SNTG1: variants seen among roughly 807,000 people sequenced by gnomAD.
The protein encoded by SNTG1 is gamma-1-syntrophin.
A neutral mutation model predicts 74.7 loss-of-function variants in SNTG1; 39 were observed. The observed-to-expected ratio is 0.52, with a 90% CI of 0.40 to 0.68. The LOEUF is 0.68. Ranked by LOEUF, SNTG1 falls within the 30% of genes least tolerant of loss-of-function variation. SNTG1 has a pLI of 0.00. For synonymous variants in SNTG1, 254 were observed against 217.1 expected (o/e 1.17, Z -1.49); for missense variants, 685 against 609.5 (o/e 1.12, Z -1.30).
intron 2 of SNTG1, among the ~76,000 whole-genome samples, chr8:50,309,977 T>C (rs1382164242): frequency 6.6e-6 from 1 of 152,234 alleles, no homozygotes; most frequent in Non-Finnish European, 1.5e-5. Flanking sequence ...AAAAATTCAG[T>C]GTCTATGTGC....
chr8:50,276,947 A>G (rs1217196830), intron 2 of SNTG1, among the ~76,000 whole-genome samples: 1 of 151,920 alleles, frequency 6.6e-6, no homozygotes, highest in Non-Finnish European at 1.5e-5. Flanking sequence ...CTCCTGCCTC[A>G]GCCTCCCAAG....
intron 8 of SNTG1, among the ~76,000 whole-genome samples, chr8:50,481,615 C>A (rs900126098): frequency 6.6e-6 from 1 of 152,094 alleles, no homozygotes; most frequent in Non-Finnish European, 1.5e-5. Flanking sequence ...ACTGAGATTG[C>A]ATTTTAAGGA....
chr8:50,586,314 A>G (rs1421177501), intron 12 of SNTG1, among the ~76,000 whole-genome samples: 1 of 152,214 alleles, frequency 6.6e-6, no homozygotes, highest in Non-Finnish European at 1.5e-5. Context: ...TGTTTTACAA[A>G]TGAAGGGATC....
chr8:50,433,783 A>T (rs1196786129), intron 4 of SNTG1, among the ~76,000 whole-genome samples: 1 of 152,204 alleles, frequency 6.6e-6, no homozygotes, highest in African/African-American at 2.4e-5. Context: ...TGTAAGACAT[A>T]GGTCCAGCTC....
At chr8:50,163,500 C>T (rs1407550054) in intron 1 of SNTG1, 4 of 131,630 alleles carry the variant, frequency 3.0e-5, no homozygotes, top group South Asian at 2.3e-4. Context: ...TTTTTTTAGA[C>T]GGAGTCTTGC....
rs144385504 is a variant in SNTG1, at chr8:50,484,472, C to T, written c.364-18306C>T. 7.1e-3 allele frequency among the ~76,000 whole-genome samples: 1,077 copies of T among 151,716 alleles called. 12 individuals carry two copies. The highest frequency in any genetic ancestry group is 0.025 in the African/African-American group (1,020 of 41,440). Reference sequence around the variant, plus strand: ...TCAGATGATCTACCTGTCTCGGCCTCCCAAAGCGCTGTGATTACAGGCGTG... The same window carrying T: ...TCAGATGATCTACCTGTCTCGGCCTTCCAAAGCGCTGTGATTACAGGCGTG... On this transcript the variant is annotated intron_variant, in intron 8 of 18. Transcript: ENST00000642720.
intron 1 of SNTG1, among the ~76,000 whole-genome samples, chr8:49,915,241 G>T (rs1361730685): frequency 6.6e-6 from 1 of 152,232 alleles, no homozygotes; most frequent in South Asian, 2.1e-4. Flanking sequence ...ATAAGTGAAT[G>T]ATGCCTACTT....
At chr8:50,416,252 T>C (rs758418647) in intron 4 of SNTG1, among the ~76,000 whole-genome samples, 4 of 152,170 alleles carry the variant, frequency 2.6e-5, no homozygotes, top group Non-Finnish European at 4.4e-5. Context: ...ACACTAAATA[T>C]TCCTGGATTG....
chr8:50,011,953 C>T (rs1183747951), intron 1 of SNTG1: 1 of 152,078 alleles, frequency 6.6e-6, no homozygotes, highest in Non-Finnish European at 1.5e-5. Context: ...ATGCTATCAC[C>T]TTTTTTTCCT....
At chr8:50,691,617 A>C (rs914940040) in intron 15 of SNTG1, among the ~76,000 whole-genome samples, 110 of 152,258 alleles carry the variant, frequency 7.2e-4, no homozygotes, top group African/African-American at 2.6e-3. Context: ...CCGAGAGATC[A>C]GCTGTTAGTC....
intron 2 of SNTG1, among the ~76,000 whole-genome samples, chr8:50,314,500 G>A (rs1427625622): frequency 6.7e-6 from 1 of 149,590 alleles, no homozygotes; most frequent in Admixed American, 6.8e-5. Flanking sequence ...AGTGCCTGAC[G>A]GAGATGATTT....
chr8:50,702,464 A>G (rs2095429490), intron 15 of SNTG1, among the ~76,000 whole-genome samples: 2 of 152,142 alleles, frequency 1.3e-5, no homozygotes, highest in Admixed American at 1.3e-4. Flanking sequence ...TCTTCCAGCA[A>G]TTATAAGAAT....
intron 1 of SNTG1, among the ~76,000 whole-genome samples, chr8:50,009,841 T>C (rs1815598988): frequency 6.6e-6 from 1 of 152,034 alleles, no homozygotes; most frequent in Non-Finnish European, 1.5e-5. Context: ...CTACTAAAAA[T>C]ACAGAAAATT....
chr8:50,409,329 A>G (rs2131386155), intron 4 of SNTG1, among the ~76,000 whole-genome samples: 1 of 152,316 alleles, frequency 6.6e-6, no homozygotes, highest in East Asian at 1.9e-4. Flanking sequence ...TCAGCAAAAT[A>G]CTGCTTTCCC....
intron 16 of SNTG1, among the ~76,000 whole-genome samples, chr8:50,706,700 ACT>A (rs2095444516): frequency 6.6e-6 from 1 of 151,984 alleles, no homozygotes; most frequent in South Asian, 2.1e-4. Flanking sequence ...AGATTTTATA[ACT>A]CTTATTTATT....
At chr8:50,634,542 A>G (rs1585909294) in intron 13 of SNTG1, among the ~76,000 whole-genome samples, 5 of 152,368 alleles carry the variant, frequency 3.3e-5, no homozygotes. Flanking sequence ...TAATGAAGAG[A>G]AAACCTGTGT....
In SNTG1 at chr8:50,687,237, GA is replaced by G. The variant is rs796878962; in HGVS notation, c.1039-17354del. ...AGAAAGACAGCGAGAGATGAAAAATGAAAAAAAAATGAAATAAACAAACAAA... is the reference window on the plus strand; with the variant it reads ...AGAAAGACAGCGAGAGATGAAAAATGAAAAAAAATGAAATAAACAAACAAA... On this transcript the variant is annotated intron_variant, in intron 15 of 18. Coordinates refer to ENST00000642720, the MANE Select transcript of SNTG1 (RefSeq NM_018967.5). 2.1e-3 allele frequency among the ~76,000 whole-genome samples: 302 copies of G among 145,758 alleles called. 3 individuals are homozygous for G. The highest frequency in any genetic ancestry group is 7.3e-3 in the African/African-American group (288 of 39,670).
chr8:50,379,914 G>T (rs1215766385), intron 2 of SNTG1, among the ~76,000 whole-genome samples: 1 of 152,186 alleles, frequency 6.6e-6, no homozygotes, highest in Non-Finnish European at 1.5e-5. Context: ...ATGTGAATGG[G>T]CTTGATGTGT....
At chr8:50,190,035 A>G (rs568427256) in intron 2 of SNTG1, among the ~76,000 whole-genome samples, 3 of 152,260 alleles carry the variant, frequency 2.0e-5, no homozygotes, top group South Asian at 4.1e-4. Flanking sequence ...TTGATTACTC[A>G]TAAGTCATTT....
Sources: allele counts gnomAD v4.1 joint callset (sites outside exome capture counted in the v4.1 genomes callset), GRCh38; gene constraint gnomAD v4.1.1; transcripts MANE v1.5; gene names NCBI Gene and HGNC (gene_info 2026-07-23, HGNC 2026-07-21).